The following IFI44L variants were observed in gnomAD, a reference collection of about 807,000 sequenced individuals.
IFI44L encodes the protein interferon induced protein 44 like.
In IFI44L, 40 loss-of-function variants were observed where a neutral mutation model predicts 39.3. That is an observed-to-expected ratio of 1.02 (90% CI 0.79 to 1.33). The LOEUF (loss-of-function observed/expected upper bound fraction) is 1.33. IFI44L is among the 40% of genes most tolerant of loss of function. IFI44L has a pLI of 0.00. For missense variants in IFI44L, 623 were observed against 549.0 expected, an observed-to-expected ratio of 1.13 and a Z score of -1.35; for synonymous variants, 198 against 182.3, an observed-to-expected ratio of 1.09 and a Z score of -0.69.
chr1:78,629,738 A>G lies in IFI44L; in HGVS notation c.546A>G (p.Leu182=), dbSNP rs1652670210. Residue 182 remains leucine (L), a synonymous_variant, in exon 4 of 9, where the codon CTA becomes CTG. Coordinates refer to ENST00000370751, the MANE Select transcript of IFI44L (RefSeq NM_006820.4). ...TTAACAGGCACAGAAATAGGCTTCT[A>G]GCAGACATCAGAGACTATAGGCCCT... ...IKAREHRNRL[L]ADIRDYRPYA... is the part of the protein sequence containing the mutation. 1.2e-6 allele frequency: 2 copies of G among 1,611,998 alleles called. No homozygotes were observed. Among genetic ancestry groups the G allele is most frequent in the African/African-American group, 1.3e-5 (1 of 74,762 alleles).
intron 5 of IFI44L, chr1:78,636,780 C>T: frequency 5.2e-6 from 2 of 385,430 alleles, no homozygotes; most frequent in Non-Finnish European, 4.6e-6. Flanking sequence ...TTAAACTTTC[C>T]TGCAATACTT....
rs1359225810 is a variant in IFI44L at position 78,643,162 on chromosome 1, T to TTTTTTTTTTTTTTTTTTTTTTTTGA, written c.*1353_*1354insTTTTTTTTTTTTTTTTTTTTTTTGA. 6.6e-6 allele frequency: 1 copy of TTTTTTTTTTTTTTTTTTTTTTTTGA among 151,834 alleles called. No individual in the cohort carries two copies. Among genetic ancestry groups the TTTTTTTTTTTTTTTTTTTTTTTTGA allele is most frequent in the Admixed American group, 6.6e-5 (1 of 15,204 alleles). The allele number at this position is 151,834 out of a possible 1,614,324, so 9.4% of individuals were successfully genotyped here. A position where few individuals can be genotyped will look rare whatever the true frequency, so the allele number is the denominator to read the frequency against. On this transcript the variant is annotated 3_prime_UTR_variant, in exon 9 of 9. Coordinates refer to ENST00000370751, the MANE Select transcript of IFI44L (RefSeq NM_006820.4). ...ATATTAAGAAAGCAAGAGTTTCTTA[T>TTTTTTTTTTTTTTTTTTTTTTTTGA]GTCCAGTTATGGAATATTTCCTAAA...
intron 5 of IFI44L, among the ~76,000 whole-genome samples, chr1:78,636,476 T>C (rs1652955120): frequency 6.6e-6 from 1 of 152,146 alleles, no homozygotes; most frequent in South Asian, 2.1e-4. Flanking sequence ...TGTTTCATAA[T>C]CTATTTCCTT....
intron 8 of IFI44L, 39 bp downstream of exon 8, chr1:78,641,648 G>T (rs1557691573): frequency 2.5e-6 from 4 of 1,611,452 alleles, no homozygotes; most frequent in Non-Finnish European, 3.4e-6. Flanking sequence ...TAGATCACTG[G>T]TGCCTTTTGA....
rs765587785 is a variant in IFI44L, at chr1:78,628,037, T to G, written c.122T>G (p.Val41Gly). 1 of 1,613,156 alleles carries G rather than the reference T, an allele frequency of 6.2e-7. No individual in the cohort carries two copies. The highest frequency in any genetic ancestry group is 1.7e-5 in the Admixed American group (1 of 59,924). ...SVHGGSIEDM[V>G]ERCSRQGCTI... is the part of the protein sequence containing the mutation. ...CATGGAGGTAGCATTGAAGATATGG[T>G]TGAAAGATGCAGCCGTCAGGGATGT... The change falls in exon 2 of 9, where the codon GTT becomes GGT. Residue 41 changes from valine (V) to glycine (G), a missense_variant. Physicochemically the swap from Val to Gly is moderately radical, Grantham distance 109. Transcript: ENST00000370751.
intron 4 of IFI44L, among the ~76,000 whole-genome samples, chr1:78,634,532 A>G (rs748569759): frequency 6.6e-6 from 1 of 152,132 alleles, no homozygotes; most frequent in Non-Finnish European, 1.5e-5. Context: ...TCCTGGATGA[A>G]CAAAAGCTGA....
chr1:78,627,098 T>C, intron 1 of IFI44L: 1 of 152,138 alleles, frequency 6.6e-6, no homozygotes, highest in Non-Finnish European at 1.5e-5. Flanking sequence ...TCAAGTGCCT[T>C]TTCTGAATTT....
chr1:78,634,682 TA>T (rs1652873032), intron 4 of IFI44L, among the ~76,000 whole-genome samples: 1 of 152,118 alleles, frequency 6.6e-6, no homozygotes, highest in Non-Finnish European at 1.5e-5. Context: ...AAATTCAGAA[TA>T]CTCATACTAT....
At chr1:78,621,848 G>A (rs899583606) in intron 1 of IFI44L, among the ~76,000 whole-genome samples, 1 of 151,820 alleles carries the variant, frequency 6.6e-6, no homozygotes, top group Non-Finnish European at 1.5e-5. Flanking sequence ...GTGATATTTG[G>A]TGATGCACTT....
Position 78,635,497 on chromosome 1 carries a change from T to G in IFI44L, c.876+8T>G. 4 of 1,606,642 alleles carry G rather than the reference T, an allele frequency of 2.5e-6. No individual in the cohort carries two copies. Among genetic ancestry groups the G allele is most frequent in the Non-Finnish European group, 3.4e-6 (4 of 1,177,068 alleles). On this transcript the variant is annotated splice_region_variant and intron_variant, in intron 5 of 8. Transcript: ENST00000370751. Reference sequence around the variant, plus strand: ...ATGCCAGACAGATATCAGGTAAGATTTCTTCAATATCCAAAACATTTCAAA... The same window carrying G: ...ATGCCAGACAGATATCAGGTAAGATGTCTTCAATATCCAAAACATTTCAAA...
intron 4 of IFI44L, among the ~76,000 whole-genome samples, chr1:78,632,507 A>G (rs1652786046): frequency 6.6e-6 from 1 of 152,214 alleles, no homozygotes; most frequent in Non-Finnish European, 1.5e-5. Context: ...ATCATGCATG[A>G]GTAAAGGATA....
At chr1:78,636,654 C>T in intron 5 of IFI44L, 1 of 164,340 alleles carries the variant, frequency 6.1e-6, no homozygotes, top group Non-Finnish European at 1.3e-5. Context: ...TCTCTCTATC[C>T]AGTTCATTTA....
At chr1:78,629,100 A>T in intron 3 of IFI44L, 101 bp downstream of exon 3, 1 of 775,372 alleles carries the variant, frequency 1.3e-6, no homozygotes. Context: ...ATGCCACTGG[A>T]ATGATTAAAA....
chr1:78,641,573 G>A lies in IFI44L; in HGVS notation c.1288G>A (p.Asp430Asn). ...SALRQMLRAA[D>N]DFLEDLPLEE... The stretch of plus-strand genomic sequence containing the variant: ...ACTGAGGCAGATGCTGCGGGCTGCA[G>A]ATGATTTTTTAGAAGATTTGCCTCT... The change falls in exon 8 of 9, where the codon GAT becomes AAT. Residue 430 changes from aspartate to asparagine, a missense_variant. Coordinates refer to ENST00000370751, the MANE Select transcript of IFI44L (RefSeq NM_006820.4). The A allele has an allele frequency of 6.2e-7, 1 of 1,613,652 alleles. No individual in the cohort carries two copies. Among genetic ancestry groups the A allele is most frequent in the Non-Finnish European group, 8.5e-7 (1 of 1,179,676 alleles).
rs1323840722 is a variant in IFI44L, at chr1:78,645,795, T to C, written c.*3986T>C. ...AGGATAAAAACTTGCATACCAATTG[T>C]ACACCCTTGCAAAATCTTTCTCTGA... On this transcript the variant is annotated 3_prime_UTR_variant, in exon 9 of 9. Transcript: ENST00000370751. 2 of 152,220 alleles carry C rather than the reference T, an allele frequency of 1.3e-5. No individual in the cohort carries two copies. The highest frequency in any genetic ancestry group is 2.9e-5 in the Non-Finnish European group (2 of 68,044). The allele number at this position is 152,220 out of a possible 1,614,324, so 9.4% of individuals were successfully genotyped here.
rs375444056 is a variant in IFI44L at position 78,636,923 on chromosome 1, G to A, written c.877-109G>A. 3.9e-6 allele frequency: 3 copies of A among 765,356 alleles called. No individual in the cohort carries two copies. In the East Asian group the frequency reaches 8.4e-5, roughly 21 times the overall value. 47.4% of individuals were successfully genotyped at this position (765,356 alleles called of 1,614,324 possible). ...TACTGTTTGGGGAAAGAGTAGCTGA[G>A]GAGAAAGAGGGAGATCAGTAGTTAC... On this transcript the variant is annotated intron_variant, in intron 5 of 8. Coordinates refer to ENST00000370751, the MANE Select transcript of IFI44L (RefSeq NM_006820.4).
intron 8 of IFI44L, 23 bp downstream of exon 8, chr1:78,641,632 CT>C (rs1176494109): frequency 2.0e-5 from 32 of 1,612,226 alleles, no homozygotes; most frequent in African/African-American, 1.2e-4. Context: ...TTTTCTCCCC[CT>C]GTCATAGATC....
chr1:78,634,361 A>G (rs1289689493), intron 4 of IFI44L, among the ~76,000 whole-genome samples: 2 of 152,192 alleles, frequency 1.3e-5, no homozygotes, highest in Admixed American at 1.3e-4. Context: ...AAGTTTTAAT[A>G]TGACTAGCAG....
intron 4 of IFI44L, among the ~76,000 whole-genome samples, chr1:78,633,065 G>T (rs1463621736): frequency 6.6e-6 from 1 of 152,174 alleles, no homozygotes; most frequent in Non-Finnish European, 1.5e-5. Flanking sequence ...TAAACCAGGT[G>T]AAAGATTACT....
Sources: gnomAD v4.1 joint callset for allele counts (sites outside exome capture counted in the v4.1 genomes callset) on GRCh38, gnomAD v4.1.1 for gene constraint, MANE v1.5 for transcripts, NCBI Gene and HGNC (gene_info 2026-07-23, HGNC 2026-07-21) for gene names.